Variants in ZBTB7C observed in about 807,000 individuals in gnomAD.
ZBTB7C encodes zinc finger and BTB domain-containing protein 7C.
Under a neutral mutation model 25.7 loss-of-function variants are expected in ZBTB7C, and 8 were observed. The observed-to-expected ratio is 0.31, with a 90% CI of 0.18 to 0.56. The LOEUF is 0.56. ZBTB7C is among the 20% of genes least tolerant of loss of function. ZBTB7C has a pLI of 0.91. For synonymous variants in ZBTB7C, 394 were observed against 369.0 expected (o/e 1.07, Z -0.78); for missense variants, 824 against 855.2 (o/e 0.96, Z 0.46).
At chr18:48,368,138 A>G (rs2047293998) in intron 1 of ZBTB7C, among the ~76,000 whole-genome samples, 1 of 151,998 alleles carries the variant, frequency 6.6e-6, no homozygotes, top group Non-Finnish European at 1.5e-5. Flanking sequence ...GATGACAGAC[A>G]TGTTAGAATT....
chr18:48,288,169 T>C (rs539192524), intron 2 of ZBTB7C, among the ~76,000 whole-genome samples: 1 of 152,364 alleles, frequency 6.6e-6, no homozygotes, highest in South Asian at 2.1e-4. Flanking sequence ...TAGCAATGTG[T>C]TAGAATTTAT....
At chr18:48,398,545 C>T (rs1469758083) in intron 1 of ZBTB7C, among the ~76,000 whole-genome samples, 3 of 152,162 alleles carry the variant, frequency 2.0e-5, no homozygotes, top group Non-Finnish European at 2.9e-5. Context: ...GGGCCCAATA[C>T]GACCTCTGTG....
chr18:48,097,685 C>T (rs902679086), intron 3 of ZBTB7C, among the ~76,000 whole-genome samples: 12 of 152,324 alleles, frequency 7.9e-5, no homozygotes, highest in African/African-American at 2.4e-4. Context: ...GCGCGAGCTA[C>T]GGCGCCCAGC....
chr18:48,245,079 AGTGTGTGT>A (rs375402994), intron 2 of ZBTB7C, among the ~76,000 whole-genome samples: 4 of 66,292 alleles, frequency 6.0e-5, no homozygotes, highest in Non-Finnish European at 1.3e-4. Context: ...AAAAAAAAGT[AGTGTGTGT>A]GTGTGTATAT....
chr18:48,411,128 A>G (rs2048381380), upstream of ZBTB7C, among the ~76,000 whole-genome samples: 1 of 152,214 alleles, frequency 6.6e-6, no homozygotes, highest in African/African-American at 2.4e-5. Context: ...AAAACAAGGG[A>G]AAACGGGCTC....
rs189258412 is a variant in ZBTB7C at position 48,121,613 on chromosome 18, T to G, written c.-17+64321A>C. ...GGTGTCTCCCTAGGGCAAATGGGAT[T>G]CTGGATTTAGCAGCATGTGAAACTG... On this transcript the variant is annotated intron_variant, in intron 3 of 4. Transcript: ENST00000590800. Among the ~76,000 whole-genome samples, 577 of 152,108 alleles carry G rather than the reference T, an allele frequency of 3.8e-3. 3 individuals are homozygous for G. Among genetic ancestry groups the G allele is most frequent in the Middle Eastern group, 0.014 (4 of 294 alleles).
At position 48,165,481 on chromosome 18, in the gene ZBTB7C, C is replaced by T. The variant is rs1025735352; in HGVS notation, c.-17+20453G>A. 19 of 287,794 alleles carry T rather than the reference C, an allele frequency of 6.6e-5. 1 individual carries two copies. Among genetic ancestry groups the T allele is most frequent in the Middle Eastern group, 1.3e-3 (1 of 796 alleles). 17.8% of individuals were successfully genotyped at this position (287,794 alleles called of 1,614,324 possible). On this transcript the variant is annotated intron_variant, in intron 3 of 4. Coordinates refer to ENST00000590800, the MANE Select transcript of ZBTB7C (RefSeq NM_001318841.2). ...TGTTAGGGATCAGACTCCCAAACTG[C>T]GGCCTCATCAGCACCTGCTCTAGTC... is the stretch of plus-strand genomic sequence containing the variant.
At chr18:48,174,705 A>T (rs1315221703) in intron 3 of ZBTB7C, among the ~76,000 whole-genome samples, 1 of 152,238 alleles carries the variant, frequency 6.6e-6, no homozygotes, top group Admixed American at 6.5e-5. Flanking sequence ...AGCTGTAAAA[A>T]AGAGTGAGGA....
chr18:48,390,331 C>G (rs1033911528), intron 1 of ZBTB7C, among the ~76,000 whole-genome samples: 2 of 152,140 alleles, frequency 1.3e-5, no homozygotes, highest in Non-Finnish European at 2.9e-5. Context: ...TTATTTTGAT[C>G]ATCTTTCCAA....
chr18:48,220,438 T>A (rs2042922556), intron 2 of ZBTB7C, among the ~76,000 whole-genome samples: 1 of 152,128 alleles, frequency 6.6e-6, no homozygotes. Flanking sequence ...TAAGGCTGCC[T>A]CTAGGGAACA....
intron 1 of ZBTB7C, among the ~76,000 whole-genome samples, chr18:48,392,454 G>T (rs2047924757): frequency 6.6e-6 from 1 of 152,178 alleles, no homozygotes; most frequent in Non-Finnish European, 1.5e-5. Flanking sequence ...TCTCTGTTTG[G>T]CCTCATTTCT....
chr18:48,037,261 G>T (rs2036013080), intron 4 of ZBTB7C, among the ~76,000 whole-genome samples: 1 of 152,246 alleles, frequency 6.6e-6, no homozygotes, highest in African/African-American at 2.4e-5. Flanking sequence ...GGGCCAGATG[G>T]CCGTCATTCT....
chr18:48,156,248 GC>G (rs2040838691), intron 3 of ZBTB7C, among the ~76,000 whole-genome samples: 1 of 152,228 alleles, frequency 6.6e-6, no homozygotes, highest in African/African-American at 2.4e-5. Flanking sequence ...AAGAAGACCT[GC>G]CCACGTGACA....
At chr18:48,404,303 A>G (rs754859696) in intron 1 of ZBTB7C, among the ~76,000 whole-genome samples, 1 of 152,200 alleles carries the variant, frequency 6.6e-6, no homozygotes, top group Non-Finnish European at 1.5e-5. Context: ...GAAGCCAGTT[A>G]TGGGAAGATC....
intron 3 of ZBTB7C, among the ~76,000 whole-genome samples, chr18:48,090,161 C>T (rs1161420150): frequency 3.3e-5 from 5 of 152,184 alleles, no homozygotes; most frequent in Admixed American, 3.3e-4. Flanking sequence ...TGTGAGTCCC[C>T]GGATTTTCTC....
intron 2 of ZBTB7C, among the ~76,000 whole-genome samples, chr18:48,231,112 C>T (rs531252113): frequency 6.6e-6 from 1 of 152,262 alleles, no homozygotes; most frequent in African/African-American, 2.4e-5. Context: ...GGCGCACTGG[C>T]ACTGTGGATG....
intron 2 of ZBTB7C, among the ~76,000 whole-genome samples, chr18:48,320,463 C>T (rs1598864098): frequency 6.6e-6 from 1 of 152,140 alleles, no homozygotes; most frequent in East Asian, 1.9e-4. Context: ...GAACTGGGGG[C>T]AGAGGCTGGG....
chr18:48,165,464 A>T, intron 3 of ZBTB7C: 13 of 296,824 alleles, frequency 4.4e-5, no homozygotes, highest in South Asian at 3.9e-4. Context: ...CTTGTTAGGG[A>T]TCAGACTCCC....
At chr18:48,129,162 AGG>A (rs1300954227) in intron 3 of ZBTB7C, among the ~76,000 whole-genome samples, 1 of 152,060 alleles carries the variant, frequency 6.6e-6, no homozygotes, top group East Asian at 1.9e-4. Flanking sequence ...TGAAGATACC[AGG>A]GGAAAAAACG....
Sources: gnomAD v4.1 joint callset for allele counts (sites outside exome capture counted in the v4.1 genomes callset) on GRCh38, gnomAD v4.1.1 for gene constraint, MANE v1.5 for transcripts, NCBI Gene and HGNC (gene_info 2026-07-23, HGNC 2026-07-21) for gene names.